The following ELP3 variants were observed in gnomAD, a reference collection of about 807,000 sequenced individuals.
ELP3 encodes elongator complex protein 3.
Under a neutral mutation model 74.9 loss-of-function variants are expected in ELP3, and 56 were observed. The observed-to-expected ratio is 0.75, with a 90% CI of 0.60 to 0.93. The LOEUF is 0.93. Ranked by LOEUF, ELP3 falls within the 40% of genes least tolerant of loss-of-function variation. The pLI is 0.00. For missense variants in ELP3, 573 were observed against 686.5 expected (o/e 0.83, Z 1.85); for synonymous variants, 222 against 239.8 (o/e 0.93, Z 0.68).
chr8:28,181,509 T>C (rs1423862405), intron 14 of ELP3, among the ~76,000 whole-genome samples: 1 of 152,240 alleles, frequency 6.6e-6, no homozygotes, highest in Non-Finnish European at 1.5e-5. Flanking sequence ...TTGTTAACAA[T>C]GGAAATAGCC....
At chr8:28,128,346 C>T (rs180847541) in intron 7 of ELP3, among the ~76,000 whole-genome samples, 8 of 151,968 alleles carry the variant, frequency 5.3e-5, no homozygotes, top group Non-Finnish European at 8.8e-5. Flanking sequence ...TGTGGTGGCA[C>T]GCACCTGTAA....
At chr8:28,133,884 A>G (rs1268944352) in intron 9 of ELP3, among the ~76,000 whole-genome samples, 4 of 123,138 alleles carry the variant, frequency 3.2e-5, no homozygotes, top group Admixed American at 8.3e-5. Flanking sequence ...TCCTCCCCTC[A>G]GTAACTAATA....
chr8:28,112,821 C>G (rs1307676188), intron 6 of ELP3, 198 bp from the exon 7 acceptor site: 4 of 391,824 alleles, frequency 1.0e-5, no homozygotes, highest in Admixed American at 4.4e-5. Context: ...CATTCTCCCT[C>G]CTTATTTGAG....
At position 28,129,743 on chromosome 8, in the gene ELP3, C is replaced by T. The variant is rs908610926; in HGVS notation, c.779+80C>T. 8 of 1,528,328 alleles carry T rather than the reference C, an allele frequency of 5.2e-6. No individual in the cohort carries two copies. In the African/African-American group the frequency reaches 1.1e-4, roughly 21 times the overall value. 94.7% of individuals were successfully genotyped at this position (1,528,328 alleles called of 1,614,324 possible). A position where few individuals can be genotyped will look rare whatever the true frequency, so the allele number is the denominator to read the frequency against. ...TCTACATTCATACCCAGCCTTTCTTCCTTCTGACCACTCTTAGGGAAAGAA... is the reference window on the plus strand; with the variant it reads ...TCTACATTCATACCCAGCCTTTCTTTCTTCTGACCACTCTTAGGGAAAGAA... On this transcript the variant is annotated intron_variant, in intron 8 of 14. Coordinates refer to ENST00000256398, the MANE Select transcript of ELP3 (RefSeq NM_018091.6).
chr8:28,122,300 C>A (rs1018562599), intron 7 of ELP3, among the ~76,000 whole-genome samples: 1 of 152,106 alleles, frequency 6.6e-6, no homozygotes, highest in African/African-American at 2.4e-5. Flanking sequence ...ATTAGTGTAA[C>A]GCAGGCTTCA....
chr8:28,159,501 G>T (rs569181801), intron 12 of ELP3, among the ~76,000 whole-genome samples: 2 of 152,086 alleles, frequency 1.3e-5, no homozygotes, highest in African/African-American at 4.8e-5. Context: ...GTGTTTCTGC[G>T]TGTGGCCATG....
At chr8:28,134,839 G>C (rs374622805) in intron 9 of ELP3, among the ~76,000 whole-genome samples, 1 of 151,176 alleles carries the variant, frequency 6.6e-6, no homozygotes. Flanking sequence ...TTTCCTCCAA[G>C]TGCCTTTTGT....
intron 4 of ELP3, among the ~76,000 whole-genome samples, chr8:28,107,647 G>A (rs1405388396): frequency 6.6e-6 from 1 of 152,128 alleles, no homozygotes; most frequent in Non-Finnish European, 1.5e-5. Flanking sequence ...TCTGTTATTT[G>A]CCCCTAAAAG....
At chr8:28,106,597 C>A in intron 3 of ELP3, 116 bp from the exon 4 acceptor site, 1 of 637,480 alleles carries the variant, frequency 1.6e-6, no homozygotes, top group Non-Finnish European at 2.7e-6. Flanking sequence ...ACCTTTGAAG[C>A]CCCTTTTTGC....
chr8:28,159,531 C>G (rs555105337), intron 12 of ELP3, among the ~76,000 whole-genome samples: 1 of 152,162 alleles, frequency 6.6e-6, no homozygotes, highest in African/African-American at 2.4e-5. Flanking sequence ...ATACTTTTCT[C>G]TGTGCGTGCA....
At chr8:28,124,571 A>G (rs1298879869) in intron 7 of ELP3, among the ~76,000 whole-genome samples, 1 of 152,148 alleles carries the variant, frequency 6.6e-6, no homozygotes, top group East Asian at 1.9e-4. Flanking sequence ...TAACCCTTAA[A>G]TTTCAATGTG....
At chr8:28,103,237 T>G (rs1811562143) in intron 3 of ELP3, among the ~76,000 whole-genome samples, 2 of 152,196 alleles carry the variant, frequency 1.3e-5, no homozygotes, top group Admixed American at 1.3e-4. Context: ...CTGCATGTTC[T>G]AGACGTAACC....
intron 11 of ELP3, among the ~76,000 whole-genome samples, chr8:28,157,285 A>T (rs1442524922): frequency 9.4e-6 from 1 of 105,986 alleles, no homozygotes; most frequent in East Asian, 4.4e-4. Flanking sequence ...TAAAAAAAGC[A>T]TGCCAAAAAA....
At chr8:28,177,740 C>G (rs1814820062) in intron 14 of ELP3, among the ~76,000 whole-genome samples, 1 of 152,166 alleles carries the variant, frequency 6.6e-6, no homozygotes, top group African/African-American at 2.4e-5. Context: ...AAGAATGCAC[C>G]TGTAATAGCT....
intron 14 of ELP3, among the ~76,000 whole-genome samples, chr8:28,187,263 T>C (rs1259559606): frequency 2.0e-5 from 3 of 152,214 alleles, no homozygotes; most frequent in Non-Finnish European, 2.9e-5. Flanking sequence ...ACCTGGATTA[T>C]TGTCATCGCT....
intron 14 of ELP3, among the ~76,000 whole-genome samples, chr8:28,185,405 G>A (rs1815197026): frequency 6.6e-6 from 1 of 152,056 alleles, no homozygotes; most frequent in Admixed American, 6.5e-5. Flanking sequence ...AAGAATAGCT[G>A]AACAGCATAT....
At chr8:28,107,304 T>C (rs1199745825) in intron 4 of ELP3, among the ~76,000 whole-genome samples, 1 of 152,086 alleles carries the variant, frequency 6.6e-6, no homozygotes, top group African/African-American at 2.4e-5. Context: ...CAATATACAA[T>C]TCTAAAAATG....
upstream of ELP3, chr8:28,090,481 G>GTTT: frequency 5.2e-6 from 1 of 193,358 alleles, no homozygotes; most frequent in South Asian, 6.7e-5. Flanking sequence ...TCTGATGGGT[G>GTTT]GGTGTGTGTG....
chr8:28,128,080 A>T (rs1812649528), intron 7 of ELP3, among the ~76,000 whole-genome samples: 1 of 152,324 alleles, frequency 6.6e-6, no homozygotes, highest in East Asian at 1.9e-4. Context: ...AAAGAAGGAA[A>T]ATAAATGGGA....
Sources: allele counts gnomAD v4.1 joint callset (sites outside exome capture counted in the v4.1 genomes callset), GRCh38; gene constraint gnomAD v4.1.1; transcripts MANE v1.5; gene names NCBI Gene and HGNC (gene_info 2026-07-23, HGNC 2026-07-21).